Variants in CUL1 observed in about 807,000 individuals in gnomAD.
CUL1 encodes the protein cullin-1.
A neutral mutation model predicts 118.0 loss-of-function variants in CUL1; 24 were observed. The ratio of observed to expected loss-of-function variants is 0.20; its 90% CI spans 0.15 to 0.29. The LOEUF (loss-of-function observed/expected upper bound fraction) is 0.29. CUL1 is among the 10% of genes least tolerant of loss of function. The pLI, the probability that CUL1 is intolerant of heterozygous loss-of-function variation, is 1.00. For missense variants in CUL1, 361 were observed against 933.8 expected (o/e 0.39, Z 7.99); for synonymous variants, 332 against 340.4 (o/e 0.98, Z 0.27).
chr7:148,729,614 G>C (rs1425928560), intron 1 of CUL1, among the ~76,000 whole-genome samples: 2 of 152,146 alleles, frequency 1.3e-5, no homozygotes, highest in African/African-American at 4.8e-5. Context: ...GGAATTTCCT[G>C]AGCATATCCT....
chr7:148,705,539 G>C (rs980296391), intron 1 of CUL1, among the ~76,000 whole-genome samples: 2 of 152,168 alleles, frequency 1.3e-5, no homozygotes, highest in South Asian at 2.1e-4. Flanking sequence ...CCTTTGCTAT[G>C]TCGAAATTAA....
chr7:148,775,703 A>G (rs1800371408), intron 9 of CUL1, among the ~76,000 whole-genome samples: 1 of 152,238 alleles, frequency 6.6e-6, no homozygotes, highest in African/African-American at 2.4e-5. Flanking sequence ...TTACAGGTAC[A>G]TAACTTCAGA....
chr7:148,707,567 G>T (rs1014270459), intron 1 of CUL1, among the ~76,000 whole-genome samples: 2 of 151,914 alleles, frequency 1.3e-5, no homozygotes, highest in African/African-American at 4.8e-5. Flanking sequence ...TGCCATGGTG[G>T]TTTGCTGCAC....
At chr7:148,710,830 A>AT (rs905584942) in intron 1 of CUL1, among the ~76,000 whole-genome samples, 4 of 151,522 alleles carry the variant, frequency 2.6e-5, no homozygotes, top group Admixed American at 6.6e-5. Flanking sequence ...TGCCCGGCTA[A>AT]TTTTTTTTGT....
chr7:148,721,595 A>G (rs886736170), intron 1 of CUL1, among the ~76,000 whole-genome samples: 4 of 152,204 alleles, frequency 2.6e-5, no homozygotes, highest in African/African-American at 4.8e-5. Context: ...TTAAGCAGAT[A>G]AGTGTGTGTG....
Position 148,725,219 on chromosome 7 carries a change from G to GCACACACA in CUL1, c.-161-4742_-161-4741insACACACAC. 2.5e-3 allele frequency among the ~76,000 whole-genome samples: 356 copies of GCACACACA among 140,148 alleles called. 5 individuals are homozygous for GCACACACA. The South Asian group carries it at 0.039, about 15-fold the overall frequency. The allele number at this position is 140,148 out of a possible 152,430, so 91.9% of individuals were successfully genotyped here. On this transcript the variant is annotated intron_variant, in intron 1 of 21. Transcript: ENST00000325222. The stretch of plus-strand genomic sequence containing the variant: ...CGTGTACACACACACACACGCGCGC[G>GCACACACA]CTCACACACACACACACACACACAC...
At chr7:148,737,335 A>G (rs957065181) in intron 2 of CUL1, among the ~76,000 whole-genome samples, 4 of 151,962 alleles carry the variant, frequency 2.6e-5, no homozygotes, top group African/African-American at 9.7e-5. Flanking sequence ...ATCAATTGCA[A>G]TTAGTTTTTA....
At chr7:148,743,161 T>C (rs1282719092) in intron 2 of CUL1, among the ~76,000 whole-genome samples, 1 of 152,216 alleles carries the variant, frequency 6.6e-6, no homozygotes, top group African/African-American at 2.4e-5. Flanking sequence ...TTTAAATGTA[T>C]TGAAACGTGT....
chr7:148,735,409 G>A (rs1231617892), intron 2 of CUL1, among the ~76,000 whole-genome samples: 2 of 152,204 alleles, frequency 1.3e-5, no homozygotes, highest in African/African-American at 4.8e-5. Context: ...TCTGACCATC[G>A]CCTTCCCTTC....
intron 7 of CUL1, among the ~76,000 whole-genome samples, chr7:148,761,799 A>G (rs571271497): frequency 7.9e-4 from 120 of 152,342 alleles, no homozygotes; most frequent in Non-Finnish European, 1.4e-3. Context: ...CCCTTGACCT[A>G]GCTGTACTAG....
At position 148,788,613 on chromosome 7, in the gene CUL1, C is replaced by G. The variant is rs372179870; in HGVS notation, c.1536C>G (p.Gly512=). 8 of 1,614,038 alleles carry G rather than the reference C, an allele frequency of 5.0e-6. No homozygotes were observed. In the South Asian group the frequency reaches 7.7e-5, roughly 16 times the overall value. ...TTCAGCGCATGTTTCAAGACATTGG[C>G]GTGAGCAAAGATCTGAACGAGCAAT... The part of the protein sequence containing the change: ...SKLQRMFQDI[G]VSKDLNEQFK... The change falls in exon 14 of 22, where the codon GGC becomes GGG. Residue 512 remains glycine (G), a synonymous_variant. Transcript: ENST00000325222.
rs190396629 is a variant in CUL1, at chr7:148,698,983, C to T, written c.-208C>T. ...TTTCGCCGGGGCCCAGGCCCAGGGA[C>T]CAGGCGGAGGCGTCGCGGGAGCCTT... On this transcript the variant is annotated 5_prime_UTR_variant, in exon 1 of 22. Transcript: ENST00000325222. The T allele has an allele frequency of 0.023, 3,535 of 153,784 alleles. 123 individuals carry two copies. The highest frequency in any genetic ancestry group is 0.081 in the African/African-American group (3,343 of 41,468). The allele number at this position is 153,784 out of a possible 1,614,324, so 9.5% of individuals were successfully genotyped here.
intron 14 of CUL1, among the ~76,000 whole-genome samples, chr7:148,788,953 T>G (rs1800913606): frequency 6.6e-6 from 1 of 152,128 alleles, no homozygotes; most frequent in African/African-American, 2.4e-5. Flanking sequence ...CTTGTAAACC[T>G]TAGCTTGGAT....
At chr7:148,783,522 A>T (rs911107953) in intron 9 of CUL1, 1 of 1,337,894 alleles carries the variant, frequency 7.5e-7, no homozygotes, top group African/African-American at 1.5e-5. Flanking sequence ...TTGAGTTTTC[A>T]CTGTTTTTAA....
At chr7:148,756,928 T>A (rs1486162558) in intron 3 of CUL1, 55 bp from the exon 4 acceptor site, 4 of 1,278,540 alleles carry the variant, frequency 3.1e-6, no homozygotes, top group Non-Finnish European at 4.3e-6. Flanking sequence ...CCGTTATTTT[T>A]AATTTATAAT....
At chr7:148,707,875 C>G (rs979471060) in intron 1 of CUL1, among the ~76,000 whole-genome samples, 4 of 152,084 alleles carry the variant, frequency 2.6e-5, no homozygotes, top group African/African-American at 9.7e-5. Context: ...TCATGGTTTC[C>G]AGAGGGTGAA....
At chr7:148,710,534 AT>A (rs1798017381) in intron 1 of CUL1, among the ~76,000 whole-genome samples, 2 of 152,246 alleles carry the variant, frequency 1.3e-5, no homozygotes, top group Admixed American at 1.3e-4. Context: ...ACGCCACTAC[AT>A]TCCAGCCTGG....
At chr7:148,790,099 T>C (rs1800954607) in intron 15 of CUL1, among the ~76,000 whole-genome samples, 1 of 152,268 alleles carries the variant, frequency 6.6e-6, no homozygotes, top group Admixed American at 6.5e-5. Context: ...TCGATGGACC[T>C]GCTGGTCTTG....
intron 9 of CUL1, among the ~76,000 whole-genome samples, chr7:148,771,337 G>C (rs1034114942): frequency 6.6e-6 from 1 of 152,140 alleles, no homozygotes; most frequent in Non-Finnish European, 1.5e-5. Flanking sequence ...TTTTGTGTTC[G>C]AAGTTTTAGA....
Sources: allele counts gnomAD v4.1 joint callset (sites outside exome capture counted in the v4.1 genomes callset), GRCh38; gene constraint gnomAD v4.1.1; transcripts MANE v1.5; gene names NCBI Gene and HGNC (gene_info 2026-07-23, HGNC 2026-07-21).